The following EPC1 variants were observed in gnomAD, a reference collection of about 807,000 sequenced individuals.
The protein encoded by EPC1 is enhancer of polycomb homolog 1.
In EPC1, 12 loss-of-function variants were observed where a neutral mutation model predicts 98.4. The observed-to-expected ratio is 0.12, with a 90% confidence interval of 0.08 to 0.20. The LOEUF is 0.20. Ranked by LOEUF, EPC1 falls within the 10% of genes least tolerant of loss-of-function variation. The pLI, the probability that EPC1 is intolerant of heterozygous loss-of-function variation, is 1.00. For synonymous variants in EPC1, 357 were observed against 363.9 expected (o/e 0.98, Z 0.21); for missense variants, 729 against 990.5 (o/e 0.74, Z 3.54).
intron 13 of EPC1, among the ~76,000 whole-genome samples, chr10:32,270,495 G>C (rs964159890): frequency 2.0e-5 from 3 of 152,144 alleles, no homozygotes; most frequent in Non-Finnish European, 4.4e-5. Flanking sequence ...ATTTAGAGTT[G>C]ACCTGGCATG....
chr10:32,289,205 T>TA (rs1172872637), intron 6 of EPC1, among the ~76,000 whole-genome samples: 1 of 152,116 alleles, frequency 6.6e-6, no homozygotes, highest in East Asian at 1.9e-4. Context: ...AATAAAAACT[T>TA]ACATGAGTAA....
At chr10:32,330,942 G>A (rs1161769913) in intron 1 of EPC1, among the ~76,000 whole-genome samples, 1 of 151,946 alleles carries the variant, frequency 6.6e-6, no homozygotes, top group African/African-American at 2.4e-5. Flanking sequence ...CGTGTGTATT[G>A]TACAAAATCA....
At chr10:32,360,825 C>T (rs953512197) in intron 1 of EPC1, among the ~76,000 whole-genome samples, 1 of 150,942 alleles carries the variant, frequency 6.6e-6, no homozygotes, top group Non-Finnish European at 1.5e-5. Context: ...ACCCAGGAGG[C>T]GAAGGTTGCA....
At chr10:32,323,275 C>T (rs1262715732) in intron 1 of EPC1, among the ~76,000 whole-genome samples, 1 of 152,022 alleles carries the variant, frequency 6.6e-6, no homozygotes, top group Non-Finnish European at 1.5e-5. Context: ...AGTGTAATTT[C>T]TGATATTTGT....
intron 1 of EPC1, among the ~76,000 whole-genome samples, chr10:32,378,004 G>C (rs887907407): frequency 6.6e-6 from 1 of 151,946 alleles, no homozygotes; most frequent in African/African-American, 2.4e-5. Context: ...ATATAAACCC[G>C]GTTATGTCAA....
chr10:32,374,414 C>T (rs1839829898), intron 1 of EPC1: 1 of 152,056 alleles, frequency 6.6e-6, no homozygotes, highest in African/African-American at 2.4e-5. Flanking sequence ...AGGGACATGC[C>T]CAAAACTCCT....
At chr10:32,357,851 ATTT>A (rs58968767) in intron 1 of EPC1, among the ~76,000 whole-genome samples, 3 of 124,578 alleles carry the variant, frequency 2.4e-5, no homozygotes, top group Admixed American at 8.0e-5. Flanking sequence ...TTCTCAATAA[ATTT>A]TTTTTTTTTT....
In EPC1 at chr10:32,284,681, A is replaced by C; in HGVS notation, c.1744+17T>G. The C allele has an allele frequency of 6.3e-7, 1 of 1,581,326 alleles. No homozygotes were observed. The highest frequency in any genetic ancestry group is 8.7e-7 in the Non-Finnish European group (1 of 1,155,692). On this transcript the variant is annotated intron_variant, in intron 10 of 13. Coordinates refer to ENST00000319778, the MANE Select transcript of EPC1 (RefSeq NM_001272004.3). ...TGACATTTCTATAGAAACGTACATCATTAACAGTCAACATACCAAAGTGTG... is the reference window on the plus strand; with the variant it reads ...TGACATTTCTATAGAAACGTACATCCTTAACAGTCAACATACCAAAGTGTG...
chr10:32,352,035 C>A (rs1839127071), upstream of EPC1, among the ~76,000 whole-genome samples: 2 of 140,430 alleles, frequency 1.4e-5, no homozygotes, highest in Admixed American at 1.5e-4. Context: ...CGTGCCCAGC[C>A]ATATTGATTT....
chr10:32,287,563 A>C (rs1836755068), intron 6 of EPC1, among the ~76,000 whole-genome samples: 1 of 152,212 alleles, frequency 6.6e-6, no homozygotes, highest in South Asian at 2.1e-4. Context: ...AACTGCAATT[A>C]GTGTATTTAC....
chr10:32,338,193 A>AC (rs1379564695), intron 1 of EPC1, among the ~76,000 whole-genome samples: 4 of 152,118 alleles, frequency 2.6e-5, no homozygotes, highest in Non-Finnish European at 5.9e-5. Flanking sequence ...CCTTCCCTGT[A>AC]AGAGGCCCAC....
intron 2 of EPC1, among the ~76,000 whole-genome samples, chr10:32,296,189 C>A (rs1835148856): frequency 6.6e-6 from 1 of 152,162 alleles, no homozygotes; most frequent in Non-Finnish European, 1.5e-5. Flanking sequence ...CCCGCCCCGG[C>A]CTCCCGAAGT....
rs1232221993 is a variant in EPC1 at position 32,346,748 on chromosome 10, G to A, written c.153+15C>T. 3 of 1,612,766 alleles carry A rather than the reference G, an allele frequency of 1.9e-6. No homozygotes were observed. The highest frequency in any genetic ancestry group is 2.5e-6 in the Non-Finnish European group (3 of 1,179,000). ...CGGGCCTGACGGTGGGTCGGACAGG[G>A]GAGTTAACACGTACCGACTCCTCTT... On this transcript the variant is annotated intron_variant, in intron 1 of 13. Coordinates refer to ENST00000319778, the MANE Select transcript of EPC1 (RefSeq NM_001272004.3).
chr10:32,308,357 T>G (rs1345073939), intron 1 of EPC1, among the ~76,000 whole-genome samples: 3 of 149,546 alleles, frequency 2.0e-5, no homozygotes, highest in Non-Finnish European at 4.4e-5. Flanking sequence ...ACCGCTGCAC[T>G]CCAGCCTGGG....
chr10:32,345,258 G>C, intron 1 of EPC1: 1 of 985,344 alleles, frequency 1.0e-6, no homozygotes, highest in Non-Finnish European at 1.2e-6. Flanking sequence ...TGCCCAACTA[G>C]ACAATCTGAG....
chr10:32,343,577 A>G (rs1838521142), intron 1 of EPC1, among the ~76,000 whole-genome samples: 1 of 152,164 alleles, frequency 6.6e-6, no homozygotes, highest in Non-Finnish European at 1.5e-5. Flanking sequence ...TTTAATCTCT[A>G]ACATCTTTGA....
intron 1 of EPC1, chr10:32,345,453 A>G (rs1314150231): frequency 1.0e-6 from 1 of 985,400 alleles, no homozygotes; most frequent in Non-Finnish European, 1.2e-6. Flanking sequence ...CAGTACCAAG[A>G]GAAGTATTAC....
chr10:32,338,307 A>G (rs1838103078), intron 1 of EPC1, among the ~76,000 whole-genome samples: 1 of 152,026 alleles, frequency 6.6e-6, no homozygotes, highest in Non-Finnish European at 1.5e-5. Flanking sequence ...GGCTCCTCAA[A>G]ATATATCTCA....
intron 11 of EPC1, 147 bp downstream of exon 11, chr10:32,273,016 G>A: frequency 1.2e-6 from 2 of 1,613,754 alleles, no homozygotes; most frequent in Non-Finnish European, 8.5e-7. Context: ...ATACTCACCT[G>A]TAGTGTTCTT....
Sources: gnomAD v4.1 joint callset for allele counts (sites outside exome capture counted in the v4.1 genomes callset) on GRCh38, gnomAD v4.1.1 for gene constraint, MANE v1.5 for transcripts, NCBI Gene and HGNC (gene_info 2026-07-23, HGNC 2026-07-21) for gene names.